Variants in NOL10 observed in about 807,000 individuals in gnomAD.
NOL10 encodes the protein nucleolar protein 10, also known as H_NH0074G24.1.
NOL10 carries 58 observed loss-of-function variants against 103.5 expected under a neutral mutation model. The ratio of observed to expected loss-of-function variants is 0.56; its 90% CI spans 0.45 to 0.70. The LOEUF (loss-of-function observed/expected upper bound fraction) is 0.70, where lower values mean the gene tolerates loss of function less well. Ranked by LOEUF, NOL10 falls within the 30% of genes least tolerant of loss-of-function variation. The probability of loss-of-function intolerance (pLI) is 0.00; values close to 1 mark genes in which losing one functional copy is unlikely to be tolerated. For missense variants in NOL10, 763 were observed against 807.3 expected, an observed-to-expected ratio of 0.95 and a Z score of 0.67; for synonymous variants, 287 against 282.5, an observed-to-expected ratio of 1.02 and a Z score of -0.16.
At chr2:10,648,748 C>T (rs560101933) in intron 12 of NOL10, among the ~76,000 whole-genome samples, 241 of 151,794 alleles carry the variant, frequency 1.6e-3, no homozygotes, top group African/African-American at 5.6e-3. Context: ...GGTAGAGGAT[C>T]AAGTTAAACA....
intron 7 of NOL10, 24 bp from the exon 8 acceptor site, chr2:10,667,302 A>C: frequency 6.6e-7 from 1 of 1,520,842 alleles, no homozygotes; most frequent in Non-Finnish European, 9.0e-7. Context: ...GCAGTAAGAA[A>C]GAATGAATTA....
At chr2:10,619,421 T>C (rs1008099830) in intron 13 of NOL10, among the ~76,000 whole-genome samples, 7 of 152,184 alleles carry the variant, frequency 4.6e-5, no homozygotes, top group Admixed American at 6.5e-5. Flanking sequence ...ACCAAAGCAA[T>C]GGGAGTACAG....
At chr2:10,578,014 T>A (rs1340174376) in intron 19 of NOL10, among the ~76,000 whole-genome samples, 1 of 152,236 alleles carries the variant, frequency 6.6e-6, no homozygotes, top group African/African-American at 2.4e-5. Flanking sequence ...CTGCTACTTT[T>A]CTTACTAAAA....
chr2:10,594,846 A>C (rs761374764), intron 17 of NOL10, among the ~76,000 whole-genome samples: 57 of 152,000 alleles, frequency 3.8e-4, no homozygotes, highest in Non-Finnish European at 6.3e-4. Flanking sequence ...ATACATACAT[A>C]TATATTAGCT....
intron 14 of NOL10, among the ~76,000 whole-genome samples, chr2:10,605,143 GA>G (rs1246969880): frequency 1.3e-5 from 2 of 152,216 alleles, no homozygotes; most frequent in Non-Finnish European, 2.9e-5. Flanking sequence ...AAGTTGTGCA[GA>G]TATTAAGTGA....
intron 13 of NOL10, among the ~76,000 whole-genome samples, chr2:10,609,599 C>CA (rs1168078978): frequency 4.7e-5 from 7 of 150,524 alleles, no homozygotes; most frequent in Non-Finnish European, 5.9e-5. Context: ...GACTCTGACT[C>CA]AAAAAAAAAG....
chr2:10,648,753 TAAAC>T (rs1050350280), intron 12 of NOL10, among the ~76,000 whole-genome samples: 1 of 151,902 alleles, frequency 6.6e-6, no homozygotes, highest in African/African-American at 2.4e-5. Context: ...AGGATCAAGT[TAAAC>T]AACATCACGA....
intron 17 of NOL10, among the ~76,000 whole-genome samples, chr2:10,598,540 A>G (rs1344042975): frequency 6.6e-6 from 1 of 152,210 alleles, no homozygotes. Context: ...AACCTCTGAA[A>G]ACAAATGAGG....
chr2:10,635,798 T>C (rs905581962), intron 13 of NOL10, among the ~76,000 whole-genome samples: 2 of 152,372 alleles, frequency 1.3e-5, no homozygotes, highest in South Asian at 4.1e-4. Flanking sequence ...CAAGCACTTG[T>C]TGGTCTCCTA....
At chr2:10,665,988 G>A (rs115383228) in intron 8 of NOL10, among the ~76,000 whole-genome samples, 5,243 of 152,200 alleles carry the variant, frequency 0.034, 177 homozygotes, top group African/African-American at 0.084. Flanking sequence ...CCGTCACCCA[G>A]GCAGTGAGCA....
chr2:10,682,447 T>C (rs1235612777), intron 2 of NOL10, among the ~76,000 whole-genome samples: 1 of 150,838 alleles, frequency 6.6e-6, no homozygotes, highest in Non-Finnish European at 1.5e-5. Context: ...TCACCCAGAC[T>C]GGAGTGCAGT....
chr2:10,573,167 C>T (rs538194128), intron 20 of NOL10, among the ~76,000 whole-genome samples: 18 of 152,040 alleles, frequency 1.2e-4, no homozygotes, highest in Non-Finnish European at 2.5e-4. Context: ...GTCTTATGGA[C>T]ACCCAGGGAA....
chr2:10,575,048 C>T (rs1244476227), intron 20 of NOL10, among the ~76,000 whole-genome samples: 3 of 152,234 alleles, frequency 2.0e-5, no homozygotes, highest in African/African-American at 7.2e-5. Flanking sequence ...ATTAGCGCTT[C>T]TCCTGGGTGC....
intron 13 of NOL10, among the ~76,000 whole-genome samples, chr2:10,638,518 G>A (rs1180332070): frequency 1.1e-5 from 1 of 91,974 alleles, no homozygotes; most frequent in Non-Finnish European, 1.9e-5. Context: ...TTGAGATAGA[G>A]TCTCACCCTG....
At chr2:10,678,377 A>G (rs1681476573) in intron 3 of NOL10, among the ~76,000 whole-genome samples, 1 of 151,804 alleles carries the variant, frequency 6.6e-6, no homozygotes, top group Non-Finnish European at 1.5e-5. Context: ...ATGTTCTTTG[A>G]AAGGCTTACA....
intron 6 of NOL10, 118 bp downstream of exon 6, chr2:10,671,436 A>G: frequency 2.8e-6 from 2 of 701,986 alleles, no homozygotes; most frequent in Middle Eastern, 3.2e-4. Flanking sequence ...TACAAGAGCC[A>G]CGTATCACTT....
chr2:10,642,504 C>T (rs1305433519), intron 13 of NOL10, among the ~76,000 whole-genome samples: 2 of 152,128 alleles, frequency 1.3e-5, no homozygotes, highest in Admixed American at 6.5e-5. Context: ...CTTGTCAGGA[C>T]TCCCTGCCCT....
At position 10,657,816 on chromosome 2, in the gene NOL10, C is replaced by T. The variant is rs766441548; in HGVS notation, c.832G>A (p.Val278Ile). 7.7e-6 allele frequency: 12 copies of T among 1,550,840 alleles called. No homozygotes were observed. The highest frequency in any genetic ancestry group is 3.6e-5 in the South Asian group (3 of 83,906). The change falls in exon 11 of 21, where the codon GTT (valine) becomes ATT (isoleucine). Residue 278 changes from valine (V) to isoleucine (I), a missense_variant. By Grantham distance (29) the Val-to-Ile change is conservative. Transcript: ENST00000381685. ...DHQYGLPIKS[V>I]HFQDSLDLIL... ...AGATCTAATGAATCCTGGAAATGAA[C>T]GGACTTAATGGGCAGCCCATACTGG...
At chr2:10,628,041 C>T (rs1161222662) in intron 13 of NOL10, among the ~76,000 whole-genome samples, 1 of 152,148 alleles carries the variant, frequency 6.6e-6, no homozygotes, top group African/African-American at 2.4e-5. Flanking sequence ...TGCTTCACTG[C>T]CTCCCATTGT....
Sources: allele counts gnomAD v4.1 joint callset (sites outside exome capture counted in the v4.1 genomes callset), GRCh38; gene constraint gnomAD v4.1.1; transcripts MANE v1.5; gene names NCBI Gene and HGNC (gene_info 2026-07-23, HGNC 2026-07-21).